The following RFFL variants were observed in gnomAD, a reference collection of about 807,000 sequenced individuals.
RFFL encodes the protein ring finger and FYVE like domain containing E3 ubiquitin protein ligase.
RFFL carries 16 observed loss-of-function variants against 40.4 expected under a neutral mutation model. That is an observed-to-expected ratio of 0.40 (90% CI 0.27 to 0.60). RFFL has a LOEUF of 0.60. Among genes scored for constraint, RFFL ranks in the 20% least tolerant of loss-of-function variants. The probability of loss-of-function intolerance (pLI) is 0.47; values close to 1 mark genes in which losing one functional copy is unlikely to be tolerated. For missense variants in RFFL, 367 were observed against 451.7 expected (o/e 0.81, Z 1.70); for synonymous variants, 154 against 167.9 (o/e 0.92, Z 0.64).
rs555057001 is a variant in RFFL at position 35,006,242 on chromosome 17, C to A, written c.*5726G>T. ...ATCTGCAGTATCCAACCAAACTAGC[C>A]ACAGACAGCTGCTGAGCAATTGAAA... is the stretch of plus-strand genomic sequence containing the variant. On this transcript the variant is annotated 3_prime_UTR_variant, in exon 7 of 7. Coordinates refer to ENST00000394597, the MANE Select transcript of RFFL (RefSeq NM_001017368.2). 2.6e-5 allele frequency: 4 copies of A among 154,982 alleles called. No homozygotes were observed. The highest frequency in any genetic ancestry group is 2.5e-4 in the Admixed American group (4 of 15,812). 9.6% of individuals were successfully genotyped at this position (154,982 alleles called of 1,614,324 possible). A position where few individuals can be genotyped will look rare whatever the true frequency, so the allele number is the denominator to read the frequency against.
intron 1 of RFFL, among the ~76,000 whole-genome samples, chr17:35,044,982 C>T (rs1159854818): frequency 1.3e-5 from 2 of 152,042 alleles, no homozygotes; most frequent in East Asian, 1.9e-4. Context: ...AGTGATCCTC[C>T]CACCTCAACT....
At chr17:35,040,868 GT>G (rs2091160933) in intron 1 of RFFL, among the ~76,000 whole-genome samples, 35 of 11,692 alleles carry the variant, frequency 3.0e-3, no homozygotes, top group Non-Finnish European at 0.015. Flanking sequence ...TTTTTTTGGT[GT>G]GTGTGTGTGT....
In RFFL at chr17:35,011,287, A is replaced by C. The variant is rs1197228564; in HGVS notation, c.*681T>G. ...TGATGTTTTGTTGGCTCCCAGAGTC[A>C]GGTCAGGAGACCAACAGCTTCCAAT... On this transcript the variant is annotated 3_prime_UTR_variant, in exon 7 of 7. Coordinates refer to ENST00000394597, the MANE Select transcript of RFFL (RefSeq NM_001017368.2). 1.3e-5 allele frequency: 2 copies of C among 152,280 alleles called. No homozygotes were observed. The highest frequency in any genetic ancestry group is 1.9e-4 in the East Asian group (1 of 5,198). 9.4% of individuals were successfully genotyped at this position (152,280 alleles called of 1,614,324 possible).
intron 4 of RFFL, 123 bp from the exon 5 acceptor site, chr17:35,016,703 G>C (rs1221072817): frequency 1.5e-6 from 1 of 683,118 alleles, no homozygotes; most frequent in Non-Finnish European, 2.5e-6. Flanking sequence ...GGTAGGAACA[G>C]AGACAGGATG....
chr17:35,083,079 T>TG (rs1597847078), intron 1 of RFFL, among the ~76,000 whole-genome samples: 1 of 152,356 alleles, frequency 6.6e-6, no homozygotes, highest in East Asian at 1.9e-4. Flanking sequence ...CAATAAAGGC[T>TG]TCAGCTGTGT....
chr17:35,050,924 A>T (rs2091228354), intron 1 of RFFL, among the ~76,000 whole-genome samples: 1 of 152,230 alleles, frequency 6.6e-6, no homozygotes, highest in African/African-American at 2.4e-5. Context: ...GTGAGCCAAG[A>T]TCGTGCCATT....
intron 1 of RFFL, among the ~76,000 whole-genome samples, chr17:35,029,929 A>G (rs1006551869): frequency 4.7e-5 from 7 of 149,060 alleles, no homozygotes; most frequent in African/African-American, 1.8e-4. Flanking sequence ...CCTATGAGCG[A>G]GAACATGCGG....
At chr17:35,074,862 T>C (rs2091368396) in intron 1 of RFFL, among the ~76,000 whole-genome samples, 1 of 152,226 alleles carries the variant, frequency 6.6e-6, no homozygotes, top group Non-Finnish European at 1.5e-5. Flanking sequence ...CACTGAAGAA[T>C]GCATACAATT....
At position 35,035,441 on chromosome 17, in the gene RFFL, CCA is replaced by C. The variant is rs2091114745; in HGVS notation, c.-8-8882_-8-8881del. The stretch of plus-strand genomic sequence containing the variant: ...AAAAAAAAATTGCCATTCTGCCACC[CCA>C]CAGTCTCCAAGTTTAGGTGGAGAAT... On this transcript the variant is annotated intron_variant, in intron 1 of 6. Transcript: ENST00000394597. Among the ~76,000 whole-genome samples the C allele has an allele frequency of 2.0e-5, 3 of 151,610 alleles. 1 individual carries two copies. Among genetic ancestry groups the C allele is most frequent in the Admixed American group, 2.0e-4 (3 of 15,192 alleles).
chr17:35,062,415 A>C (rs1231581697), intron 1 of RFFL, among the ~76,000 whole-genome samples: 1 of 152,070 alleles, frequency 6.6e-6, no homozygotes, highest in Non-Finnish European at 1.5e-5. Flanking sequence ...AGAAAAAAAA[A>C]AGAGTTGATG....
At chr17:35,034,059 C>T (rs974418307) in intron 1 of RFFL, among the ~76,000 whole-genome samples, 11 of 151,818 alleles carry the variant, frequency 7.2e-5, no homozygotes, top group Non-Finnish European at 1.2e-4. Context: ...AGGAGAATGG[C>T]GTGAACCCGG....
rs117410839 is a variant in RFFL at position 35,024,721 on chromosome 17, T to A, written c.180+1653A>T. ...GAAAAAGATAGTAGGATCCATGGAA[T>A]CATTTCAATTCAAGCACTTCTAGAA... On this transcript the variant is annotated intron_variant, in intron 2 of 6. Transcript: ENST00000394597. Among the ~76,000 whole-genome samples the A allele has an allele frequency of 8.3e-4, 126 of 152,310 alleles. No individual in the cohort carries two copies. The Middle Eastern group carries it at 0.017, about 21-fold the overall frequency.
At chr17:35,039,244 G>T (rs915541203) in intron 1 of RFFL, among the ~76,000 whole-genome samples, 1 of 151,102 alleles carries the variant, frequency 6.6e-6, no homozygotes, top group Non-Finnish European at 1.5e-5. Flanking sequence ...TTTTTGAGAC[G>T]CAGTCTCGCT....
At chr17:35,085,813 T>A (rs2091426572) in intron 1 of RFFL, among the ~76,000 whole-genome samples, 1 of 152,214 alleles carries the variant, frequency 6.6e-6, no homozygotes, top group African/African-American at 2.4e-5. Context: ...CACTGCAGAA[T>A]GTTAACAGGC....
rs2090923054 is a variant in RFFL at position 35,009,634 on chromosome 17, A to T, written c.*2334T>A. On this transcript the variant is annotated 3_prime_UTR_variant, in exon 7 of 7. Coordinates refer to ENST00000394597, the MANE Select transcript of RFFL (RefSeq NM_001017368.2). Reference sequence around the variant, plus strand: ...GTTTGACACCTTTTTTCCTAAAGGGAAACCTTCACCAAAAGGGGATAAAAG... The same window carrying T: ...GTTTGACACCTTTTTTCCTAAAGGGTAACCTTCACCAAAAGGGGATAAAAG... 1 of 151,910 alleles carries T rather than the reference A, an allele frequency of 6.6e-6. No individual in the cohort carries two copies. Among genetic ancestry groups the T allele is most frequent in the African/African-American group, 2.4e-5 (1 of 41,374 alleles). 9.4% of individuals were successfully genotyped at this position (151,910 alleles called of 1,614,324 possible). A position where few individuals can be genotyped will look rare whatever the true frequency, so the allele number is the denominator to read the frequency against.
At chr17:35,068,294 A>G (rs1281196538), upstream of RFFL, among the ~76,000 whole-genome samples, 3 of 152,250 alleles carry the variant, frequency 2.0e-5, no homozygotes, top group East Asian at 5.8e-4. Context: ...TCGCCAGAGT[A>G]TCAGCCAGTG....
At chr17:35,044,095 T>C (rs1026687148) in intron 1 of RFFL, among the ~76,000 whole-genome samples, 1 of 152,240 alleles carries the variant, frequency 6.6e-6, no homozygotes, top group Non-Finnish European at 1.5e-5. Context: ...ATGCTCTATT[T>C]CATTGATTCA....
rs1001568025 is a variant in RFFL, at chr17:35,008,627, T to G, written c.*3341A>C. On this transcript the variant is annotated 3_prime_UTR_variant, in exon 7 of 7. Transcript: ENST00000394597. ...TTGGTTTTTTTGGGTTTTTTGTTTGTGTTTTTTTTTGTTTTGTTTTTTGAG... is the reference window on the plus strand; with the variant it reads ...TTGGTTTTTTTGGGTTTTTTGTTTGGGTTTTTTTTTGTTTTGTTTTTTGAG... 2.6e-5 allele frequency: 4 copies of G among 151,236 alleles called. No individual in the cohort carries two copies. The highest frequency in any genetic ancestry group is 9.8e-5 in the African/African-American group (4 of 40,726). The allele number at this position is 151,236 out of a possible 1,614,324, so 9.4% of individuals were successfully genotyped here.
intron 1 of RFFL, among the ~76,000 whole-genome samples, chr17:35,084,647 T>C (rs1195618112): frequency 6.7e-6 from 1 of 150,060 alleles, no homozygotes. Context: ...CCCAGCACTT[T>C]GGGAGGCTGA....
Sources: allele counts gnomAD v4.1 joint callset (sites outside exome capture counted in the v4.1 genomes callset), GRCh38; gene constraint gnomAD v4.1.1; transcripts MANE v1.5; gene names NCBI Gene and HGNC (gene_info 2026-07-23, HGNC 2026-07-21).